Variants in AGK observed in about 807,000 individuals in gnomAD.
AGK encodes acylglycerol kinase, mitochondrial.
Under a neutral mutation model 66.4 loss-of-function variants are expected in AGK, and 52 were observed. That is an observed-to-expected ratio of 0.78 (90% CI 0.63 to 0.99). AGK has a LOEUF of 0.99. AGK is among the 50% of genes least tolerant of loss of function. AGK has a pLI of 0.00. For synonymous variants in AGK, 182 were observed against 181.1 expected (o/e 1.00, Z -0.04); for missense variants, 451 against 506.6 (o/e 0.89, Z 1.05).
intron 2 of AGK, among the ~76,000 whole-genome samples, chr7:141,586,767 A>T (rs1452236851): frequency 6.6e-6 from 1 of 152,186 alleles, no homozygotes; most frequent in Admixed American, 6.5e-5. Flanking sequence ...ATGGTGGAAG[A>T]TAAGGAAAAT....
chr7:141,629,576 G>A (rs1222260903), intron 9 of AGK, among the ~76,000 whole-genome samples: 1 of 151,830 alleles, frequency 6.6e-6, no homozygotes, highest in East Asian at 1.9e-4. Flanking sequence ...TGGTCCTCAG[G>A]GCTATTCTGA....
At chr7:141,624,651 A>G (rs982442113) in intron 9 of AGK, among the ~76,000 whole-genome samples, 3 of 152,216 alleles carry the variant, frequency 2.0e-5, no homozygotes, top group Non-Finnish European at 2.9e-5. Context: ...AAATGCTTCA[A>G]TCTTATAAAA....
At chr7:141,637,198 AC>A (rs1327358545) in intron 11 of AGK, among the ~76,000 whole-genome samples, 181 bp downstream of exon 11, 1 of 152,140 alleles carries the variant, frequency 6.6e-6, no homozygotes, top group South Asian at 2.1e-4. Context: ...ATAAGCAATC[AC>A]CCTTTATCTA....
At chr7:141,600,208 C>G (rs1178450998) in intron 4 of AGK, among the ~76,000 whole-genome samples, 2 of 152,080 alleles carry the variant, frequency 1.3e-5, no homozygotes, top group African/African-American at 4.8e-5. Flanking sequence ...ATTGAAAGTA[C>G]TGGATTTTTT....
intron 2 of AGK, among the ~76,000 whole-genome samples, chr7:141,591,320 T>C (rs1198325065): frequency 6.6e-6 from 1 of 152,086 alleles, no homozygotes; most frequent in East Asian, 1.9e-4. Flanking sequence ...CACGAACTCC[T>C]GACCTCAAGT....
chr7:141,578,038 A>T (rs540088232), intron 2 of AGK, among the ~76,000 whole-genome samples: 1 of 151,388 alleles, frequency 6.6e-6, no homozygotes, highest in African/African-American at 2.4e-5. Context: ...CTGGTCTCGA[A>T]CTCCTGACCT....
intron 14 of AGK, 130 bp downstream of exon 14, chr7:141,649,463 T>C (rs959330989): frequency 1.5e-4 from 107 of 697,348 alleles, no homozygotes; most frequent in Non-Finnish European, 2.5e-4. Context: ...TCGATGTTAT[T>C]TCTTTCCTAT....
intron 4 of AGK, chr7:141,599,309 A>AT (rs1796292660): frequency 6.6e-6 from 1 of 152,204 alleles, no homozygotes; most frequent in East Asian, 1.9e-4. Context: ...AAGAGTAATT[A>AT]TTTTTTGTAT....
intron 13 of AGK, among the ~76,000 whole-genome samples, chr7:141,646,075 C>G (rs1476007165): frequency 6.6e-6 from 1 of 152,050 alleles, no homozygotes; most frequent in Non-Finnish European, 1.5e-5. Flanking sequence ...GGAGAGGGAG[C>G]CCACACAGAG....
chr7:141,650,816 T>C (rs997523634), intron 14 of AGK: 19 of 310,036 alleles, frequency 6.1e-5, no homozygotes, highest in Non-Finnish European at 8.9e-5. Context: ...CCACAGGTTG[T>C]CAAGCCCCTT....
At chr7:141,632,303 T>C (rs2116995041) in intron 9 of AGK, among the ~76,000 whole-genome samples, 1 of 152,282 alleles carries the variant, frequency 6.6e-6, no homozygotes, top group African/African-American at 2.4e-5. Context: ...TGGGCTGTTT[T>C]TTCATCCCAC....
At chr7:141,559,389 T>A (rs550761572) in intron 2 of AGK, among the ~76,000 whole-genome samples, 2 of 152,316 alleles carry the variant, frequency 1.3e-5, no homozygotes, top group Admixed American at 6.5e-5. Context: ...CCCCATTGCG[T>A]GGTCTTGGCA....
At chr7:141,631,574 C>G (rs937695726) in intron 9 of AGK, among the ~76,000 whole-genome samples, 1 of 152,166 alleles carries the variant, frequency 6.6e-6, no homozygotes, top group Non-Finnish European at 1.5e-5. Flanking sequence ...CAAAATATAT[C>G]CAAAATCAAG....
intron 2 of AGK, among the ~76,000 whole-genome samples, chr7:141,574,420 T>C (rs995470581): frequency 2.0e-5 from 3 of 152,158 alleles, no homozygotes; most frequent in African/African-American, 4.8e-5. Flanking sequence ...CCTGTGAATA[T>C]TAGGAACAGA....
intron 5 of AGK, among the ~76,000 whole-genome samples, chr7:141,603,515 C>A (rs1323673206): frequency 6.6e-6 from 1 of 151,688 alleles, no homozygotes; most frequent in African/African-American, 2.4e-5. Flanking sequence ...TATCTTTTTT[C>A]TCTCCTGAGA....
chr7:141,620,047 C>T (rs1390657703), intron 8 of AGK, among the ~76,000 whole-genome samples: 1 of 151,316 alleles, frequency 6.6e-6, no homozygotes, highest in Non-Finnish European at 1.5e-5. Context: ...AGATGAATTT[C>T]AAGCTCATGC....
At chr7:141,609,814 C>T (rs1051435547) in intron 5 of AGK, among the ~76,000 whole-genome samples, 1 of 152,176 alleles carries the variant, frequency 6.6e-6, no homozygotes, top group South Asian at 2.1e-4. Flanking sequence ...CTCATTAGCA[C>T]AAACTGGCAA....
intron 8 of AGK, among the ~76,000 whole-genome samples, chr7:141,618,760 T>G (rs919400432): frequency 1.3e-5 from 2 of 152,194 alleles, no homozygotes; most frequent in African/African-American, 4.8e-5. Context: ...CAGAATAGAT[T>G]AGGAGGTGCC....
chr7:141,623,833 G>A (rs1192707604), intron 9 of AGK, among the ~76,000 whole-genome samples: 1 of 152,120 alleles, frequency 6.6e-6, no homozygotes, highest in Non-Finnish European at 1.5e-5. Flanking sequence ...GTCAATGCCT[G>A]GCTTCAAAGT....
Sources: allele counts gnomAD v4.1 joint callset (sites outside exome capture counted in the v4.1 genomes callset), GRCh38; gene constraint gnomAD v4.1.1; transcripts MANE v1.5; gene names NCBI Gene and HGNC (gene_info 2026-07-23, HGNC 2026-07-21).